Variants in SIMC1 observed in about 807,000 individuals in gnomAD.
SIMC1 encodes the protein SUMO interacting motifs containing 1.
Under a neutral mutation model 82.3 loss-of-function variants are expected in SIMC1, and 55 were observed. The observed-to-expected ratio is 0.67, with a 90% CI of 0.54 to 0.84. SIMC1 has a LOEUF of 0.84. SIMC1 is among the 40% of genes least tolerant of loss of function. The pLI is 0.00. For synonymous variants in SIMC1, 353 were observed against 426.3 expected (o/e 0.83, Z 2.12); for missense variants, 915 against 1,107.2 (o/e 0.83, Z 2.46).
At chr5:176,302,909 A>G (rs1764103259) in intron 4 of SIMC1, among the ~76,000 whole-genome samples, 1 of 152,242 alleles carries the variant, frequency 6.6e-6, no homozygotes, top group African/African-American at 2.4e-5. Flanking sequence ...TTAGACACCA[A>G]TAAATGGTAA....
chr5:176,259,490 A>C (rs538393721), intron 1 of SIMC1, among the ~76,000 whole-genome samples: 144 of 152,290 alleles, frequency 9.5e-4, no homozygotes, highest in Non-Finnish European at 1.7e-3. Flanking sequence ...AATTGTAAGT[A>C]GGCCGGGTGT....
At chr5:176,342,628 T>C (rs781722530) in intron 9 of SIMC1, among the ~76,000 whole-genome samples, 3 of 152,182 alleles carry the variant, frequency 2.0e-5, no homozygotes, top group Non-Finnish European at 4.4e-5. Context: ...TCTTGTTCTC[T>C]AAGCATGCTT....
intron 3 of SIMC1, among the ~76,000 whole-genome samples, chr5:176,295,668 G>C (rs1763783187): frequency 6.9e-6 from 1 of 144,828 alleles, no homozygotes; most frequent in Non-Finnish European, 1.5e-5. Flanking sequence ...CCTCAGTTCT[G>C]TTTGGGGCCG....
intron 7 of SIMC1, among the ~76,000 whole-genome samples, chr5:176,334,267 T>G (rs546502886): frequency 6.6e-6 from 1 of 152,302 alleles, no homozygotes; most frequent in South Asian, 2.1e-4. Context: ...TTGCTCTCTT[T>G]CTTTAAAGAG....
intron 7 of SIMC1, among the ~76,000 whole-genome samples, chr5:176,334,467 TCCTTGAAACA>T (rs1012633272): frequency 6.6e-6 from 1 of 152,144 alleles, no homozygotes; most frequent in African/African-American, 2.4e-5. Context: ...CCACACTGAC[TCCTTGAAACA>T]CCAGTATCTT....
chr5:176,319,222 G>A (rs900296656), intron 5 of SIMC1, among the ~76,000 whole-genome samples: 1 of 152,130 alleles, frequency 6.6e-6, no homozygotes. Context: ...GCTTATCCTA[G>A]GTTTATATTC....
At chr5:176,284,580 C>G (rs1346471933) in intron 1 of SIMC1, among the ~76,000 whole-genome samples, 1 of 152,156 alleles carries the variant, frequency 6.6e-6, no homozygotes, top group East Asian at 1.9e-4. Flanking sequence ...CAGGAAAGAT[C>G]TAAAATTGAC....
Position 176,336,717 on chromosome 5 carries a change from CAG to C in SIMC1, c.2173_2174del. 6.2e-7 allele frequency: 1 copy of C among 1,613,740 alleles called. No homozygotes were observed. Among genetic ancestry groups the C allele is most frequent in the Non-Finnish European group, 8.5e-7 (1 of 1,179,738 alleles). On this transcript the variant is annotated splice_acceptor_variant, in intron 7 of 9. Transcript: ENST00000429602. LOFTEE classifies it high-confidence loss of function. ...TAACTCCCTCTTCCTCTTCTCCACA[CAG>C]AGAAATGTTCTTTACTACCATGGAA...
intron 5 of SIMC1, among the ~76,000 whole-genome samples, chr5:176,319,236 C>T (rs996017959): frequency 3.9e-5 from 6 of 152,164 alleles, no homozygotes; most frequent in Admixed American, 2.0e-4. Flanking sequence ...TATATTCATC[C>T]ATTGGGTTGG....
chr5:176,294,975 A>T, intron 2 of SIMC1, 55 bp from the exon 3 acceptor site: 1 of 1,507,766 alleles, frequency 6.6e-7, no homozygotes. Context: ...AAAAAAAAAA[A>T]AAAAAAAAAA....
chr5:176,343,944 A>C (rs1766274250), intron 9 of SIMC1, among the ~76,000 whole-genome samples: 1 of 151,760 alleles, frequency 6.6e-6, no homozygotes, highest in African/African-American at 2.4e-5. Flanking sequence ...ACAGGCATGC[A>C]CCACCATGCC....
chr5:176,324,799 A>G (rs909348173), intron 7 of SIMC1, 42 bp downstream of exon 7: 1 of 1,503,520 alleles, frequency 6.7e-7, no homozygotes, highest in Non-Finnish European at 8.9e-7. Context: ...ATTTAAAAAA[A>G]AAACAAAAAA....
intron 1 of SIMC1, among the ~76,000 whole-genome samples, chr5:176,274,943 T>C (rs1561684507): frequency 1.3e-5 from 2 of 151,934 alleles, no homozygotes; most frequent in African/African-American, 2.4e-5. Context: ...TGGCTTAGGA[T>C]TGACTTGGCG....
intron 5 of SIMC1, among the ~76,000 whole-genome samples, chr5:176,319,515 G>A (rs1765065709): frequency 6.6e-6 from 1 of 152,058 alleles, no homozygotes; most frequent in African/African-American, 2.4e-5. Flanking sequence ...AACGGAGCAA[G>A]CCCTCATCTC....
At position 176,337,595 on chromosome 5, in the gene SIMC1, A is replaced by AG. The variant is rs749654993; in HGVS notation, c.2413+455dup. Among the ~76,000 whole-genome samples the AG allele has an allele frequency of 4.6e-5, 7 of 152,296 alleles. No homozygotes were observed. In the East Asian group the frequency reaches 7.7e-4, roughly 17 times the overall value. On this transcript the variant is annotated intron_variant, in intron 9 of 9. Transcript: ENST00000429602. ...GGCAACAGAGTGAGACCCTGTCTCA[A>AG]GGGGGGCGGAAAAAAAGAGAAGTCA...
intron 4 of SIMC1, among the ~76,000 whole-genome samples, chr5:176,311,393 A>T (rs1226545598): frequency 6.6e-6 from 1 of 152,058 alleles, no homozygotes; most frequent in African/African-American, 2.4e-5. Context: ...ACATGCTATC[A>T]CGCCTGGATA....
intron 3 of SIMC1, chr5:176,296,023 G>A: frequency 2.7e-6 from 2 of 738,446 alleles, no homozygotes; most frequent in South Asian, 4.2e-5. Flanking sequence ...GGTTTCTTAA[G>A]ACAAAATTAT....
chr5:176,254,130 CAG>C (rs1369215033), intron 1 of SIMC1, among the ~76,000 whole-genome samples: 1 of 151,994 alleles, frequency 6.6e-6, no homozygotes, highest in African/African-American at 2.4e-5. Flanking sequence ...GGAATTAAAG[CAG>C]AGAGAGAGCA....
chr5:176,280,442 G>A (rs1762939738), intron 1 of SIMC1, among the ~76,000 whole-genome samples: 1 of 151,874 alleles, frequency 6.6e-6, no homozygotes, highest in South Asian at 2.1e-4. Flanking sequence ...TACATTTAAA[G>A]TTAATATTGT....
Sources: allele counts gnomAD v4.1 joint callset (sites outside exome capture counted in the v4.1 genomes callset), GRCh38; gene constraint gnomAD v4.1.1; transcripts MANE v1.5; gene names NCBI Gene and HGNC (gene_info 2026-07-23, HGNC 2026-07-21).